The following SRGAP3 variants were observed in gnomAD, a reference collection of about 807,000 sequenced individuals.
SRGAP3 encodes SLIT-ROBO Rho GTPase-activating protein 3.
SRGAP3 carries 39 observed loss-of-function variants against 121.1 expected under a neutral mutation model. The observed-to-expected ratio is 0.32, with a 90% CI of 0.25 to 0.42. The LOEUF is 0.42. Ranked by LOEUF, SRGAP3 falls within the 10% of genes least tolerant of loss-of-function variation. The probability of loss-of-function intolerance (pLI) is 1.00; values close to 1 mark genes in which losing one functional copy is unlikely to be tolerated. For missense variants in SRGAP3, 1,213 were observed against 1,470.6 expected, an observed-to-expected ratio of 0.82 and a Z score of 2.86; for synonymous variants, 601 against 570.0, an observed-to-expected ratio of 1.05 and a Z score of -0.77.
At chr3:9,105,130 A>C (rs1948373612) in intron 2 of SRGAP3, among the ~76,000 whole-genome samples, 1 of 152,092 alleles carries the variant, frequency 6.6e-6, no homozygotes. Context: ...GGAAGAAGCT[A>C]CCTCCCCTGG....
chr3:8,982,698 G>C lies in SRGAP3; in HGVS notation c.*2821C>G, dbSNP rs1941480606. The C allele has an allele frequency of 7.5e-6, 1 of 134,210 alleles. No individual in the cohort carries two copies. Among genetic ancestry groups the C allele is most frequent in the Non-Finnish European group, 1.6e-5 (1 of 64,306 alleles). 8.3% of individuals were successfully genotyped at this position (134,210 alleles called of 1,614,324 possible). A position where few individuals can be genotyped will look rare whatever the true frequency, so the allele number is the denominator to read the frequency against. On this transcript the variant is annotated 3_prime_UTR_variant, in exon 22 of 22. Transcript: ENST00000383836. ...GACATGCATAGTGCCAGATGAGGAA[G>C]TGGGAACAGGGGAGGGGGGCGGGAA...
In SRGAP3 at chr3:8,982,727, A is replaced by G. The variant is rs989891426; in HGVS notation, c.*2792T>C. 30 of 198,032 alleles carry G rather than the reference A, an allele frequency of 1.5e-4. No individual in the cohort carries two copies. The highest frequency in any genetic ancestry group is 7.2e-4 in the African/African-American group (29 of 40,078). 12.3% of individuals were successfully genotyped at this position (198,032 alleles called of 1,614,324 possible). ...GAACAGGGGAGGGGGGCGGGAAAGT[A>G]TTTTTCCACTTGGCCTGCGTCAAGG... On this transcript the variant is annotated 3_prime_UTR_variant, in exon 22 of 22. Transcript: ENST00000383836.
chr3:9,173,966 G>A (rs545032080), intron 1 of SRGAP3, among the ~76,000 whole-genome samples: 8 of 152,182 alleles, frequency 5.3e-5, no homozygotes, highest in South Asian at 2.1e-4. Context: ...GTGTTCACAG[G>A]AGCACCATTC....
At chr3:9,078,493 A>G (rs1947080000) in intron 4 of SRGAP3, among the ~76,000 whole-genome samples, 4 of 152,122 alleles carry the variant, frequency 2.6e-5, no homozygotes, top group African/African-American at 7.2e-5. Flanking sequence ...CCTACCTCAC[A>G]CCCATCAAGG....
At chr3:9,058,211 G>A (rs1454867288) in intron 7 of SRGAP3, 40 bp downstream of exon 7, 2 of 1,602,326 alleles carry the variant, frequency 1.2e-6, no homozygotes, top group East Asian at 2.2e-5. Flanking sequence ...GGGGAACAGA[G>A]GGAAGCAGCC....
At chr3:9,161,156 A>G (rs1312248716) in intron 1 of SRGAP3, among the ~76,000 whole-genome samples, 2 of 152,256 alleles carry the variant, frequency 1.3e-5, no homozygotes, top group Non-Finnish European at 2.9e-5. Flanking sequence ...ATGCTTATTA[A>G]ATACTAATTA....
chr3:9,107,215 C>T (rs1948448855), intron 2 of SRGAP3, among the ~76,000 whole-genome samples: 1 of 152,244 alleles, frequency 6.6e-6, no homozygotes, highest in African/African-American at 2.4e-5. Flanking sequence ...CCCTCAGCAT[C>T]TACTGTGTCA....
At chr3:9,016,005 G>C (rs145614912) in intron 14 of SRGAP3, 9 of 481,014 alleles carry the variant, frequency 1.9e-5, no homozygotes, top group South Asian at 4.6e-5. Flanking sequence ...TTGATTTCTC[G>C]CTCTTTCTGT....
At chr3:9,361,203 A>G (rs2030794458) in intron 1 of SRGAP3, among the ~76,000 whole-genome samples, 1 of 152,126 alleles carries the variant, frequency 6.6e-6, no homozygotes, top group Non-Finnish European at 1.5e-5. Context: ...CCCCAGCTCA[A>G]GCTATTCTCC....
At chr3:9,043,240 A>G (rs1379217856) in intron 10 of SRGAP3, among the ~76,000 whole-genome samples, 14 of 152,118 alleles carry the variant, frequency 9.2e-5, no homozygotes, top group Non-Finnish European at 2.9e-5. Context: ...TGCAGCCTCC[A>G]CTGCCTGGCC....
intron 20 of SRGAP3, chr3:8,992,614 A>T: frequency 2.0e-6 from 1 of 510,408 alleles, no homozygotes; most frequent in Non-Finnish European, 3.6e-6. Context: ...GGTAGGAAAA[A>T]TACTTGCCAA....
intron 1 of SRGAP3, among the ~76,000 whole-genome samples, chr3:9,230,115 A>G (rs1247497620): frequency 6.6e-6 from 1 of 152,224 alleles, no homozygotes; most frequent in Non-Finnish European, 1.5e-5. Context: ...ATTAATAACA[A>G]TCGGTGACGC....
rs1235410619 is a variant in SRGAP3 at position 9,249,103 on chromosome 3, A to C, written c.-152T>G. On this transcript the variant is annotated 5_prime_UTR_variant, in exon 1 of 22. Transcript: ENST00000383836. Reference sequence around the variant, plus strand: ...TTCACTTGGCTGCAGAGCAGGGAGAAAAATCCTTCTCCTTCTGGAAGGAAA... The same window carrying C: ...TTCACTTGGCTGCAGAGCAGGGAGACAAATCCTTCTCCTTCTGGAAGGAAA... 1.2e-5 allele frequency: 9 copies of C among 772,660 alleles called. No homozygotes were observed. In the Admixed American group the frequency reaches 1.5e-4, roughly 13 times the overall value. The allele number at this position is 772,660 out of a possible 1,614,324, so 47.9% of individuals were successfully genotyped here. A position where few individuals can be genotyped will look rare whatever the true frequency, so the allele number is the denominator to read the frequency against.
chr3:9,080,236 A>G, intron 3 of SRGAP3, 149 bp from the exon 4 acceptor site: 1 of 728,226 alleles, frequency 1.4e-6, no homozygotes, highest in South Asian at 1.7e-5. Flanking sequence ...CTACAACAAC[A>G]TAAATTCCTC....
At position 9,020,014 on chromosome 3, in the gene SRGAP3, C is replaced by T. The variant is rs1309251260; in HGVS notation, c.1679-4283G>A. On this transcript the variant is annotated intron_variant, in intron 14 of 21. Coordinates refer to ENST00000383836, the MANE Select transcript of SRGAP3 (RefSeq NM_014850.4). Reference sequence around the variant, plus strand: ...CAAGTGAGAAGCACATTTGTACATACGAACTCTCCTAACCCTTACAACAGC... The same window carrying T: ...CAAGTGAGAAGCACATTTGTACATATGAACTCTCCTAACCCTTACAACAGC... 3.9e-5 allele frequency among the ~76,000 whole-genome samples: 6 copies of T among 152,234 alleles called. No homozygotes were observed. In the East Asian group the frequency reaches 5.8e-4, roughly 15 times the overall value.
intron 3 of SRGAP3, among the ~76,000 whole-genome samples, chr3:9,091,300 G>A (rs1947746872): frequency 6.6e-6 from 1 of 151,970 alleles, no homozygotes; most frequent in South Asian, 2.1e-4. Context: ...ATGTTCTCAT[G>A]TTGGGTTACT....
chr3:9,022,918 C>T (rs1435229035), intron 14 of SRGAP3, among the ~76,000 whole-genome samples: 1 of 152,204 alleles, frequency 6.6e-6, no homozygotes, highest in Non-Finnish European at 1.5e-5. Flanking sequence ...CCTGAGGCAA[C>T]CCAAGGCTTG....
intron 12 of SRGAP3, among the ~76,000 whole-genome samples, chr3:9,028,487 G>C (rs937063802): frequency 6.6e-6 from 1 of 152,128 alleles, no homozygotes; most frequent in Non-Finnish European, 1.5e-5. Flanking sequence ...TCAACAAAAG[G>C]GACTGTTTAT....
At chr3:9,196,195 G>A (rs532608358) in intron 1 of SRGAP3, among the ~76,000 whole-genome samples, 12 of 152,340 alleles carry the variant, frequency 7.9e-5, no homozygotes, top group South Asian at 6.2e-4. Context: ...TGACAAGTCC[G>A]TCTGCCCAGC....
Sources: gnomAD v4.1 joint callset for allele counts (sites outside exome capture counted in the v4.1 genomes callset) on GRCh38, gnomAD v4.1.1 for gene constraint, MANE v1.5 for transcripts, NCBI Gene and HGNC (gene_info 2026-07-23, HGNC 2026-07-21) for gene names.